TCF20: variants seen among roughly 807,000 people sequenced by gnomAD.
The protein encoded by TCF20 is transcription factor 20, also known as SPRE-binding protein.
Under a neutral mutation model 148.6 loss-of-function variants are expected in TCF20, and 3 were observed. The ratio of observed to expected loss-of-function variants is 0.02; its 90% CI spans 0.01 to 0.05. The LOEUF is 0.05. Among genes scored for constraint, TCF20 ranks in the 10% least tolerant of loss-of-function variants. The pLI is 1.00. For missense variants in TCF20, 2,350 were observed against 2,429.3 expected, an observed-to-expected ratio of 0.97 and a Z score of 0.69; for synonymous variants, 1,049 against 909.5, an observed-to-expected ratio of 1.15 and a Z score of -2.76.
At chr22:42,218,187 A>G (rs1458033787) in intron 1 of TCF20, among the ~76,000 whole-genome samples, 1 of 152,236 alleles carries the variant, frequency 6.6e-6, no homozygotes, top group Non-Finnish European at 1.5e-5. Flanking sequence ...ACAGAAGCAG[A>G]GTTCACAAAG....
chr22:42,266,723 G>T (rs1926306314), intron 1 of TCF20, among the ~76,000 whole-genome samples: 1 of 152,056 alleles, frequency 6.6e-6, no homozygotes, highest in African/African-American at 2.4e-5. Flanking sequence ...AGGTTGCAGT[G>T]AGCAGAGACT....
chr22:42,295,671 C>T (rs1326774977), intron 1 of TCF20, among the ~76,000 whole-genome samples: 2 of 152,070 alleles, frequency 1.3e-5, no homozygotes, highest in South Asian at 2.1e-4. Flanking sequence ...AACTCCTAAC[C>T]TCAAGTGATC....
intron 1 of TCF20, among the ~76,000 whole-genome samples, chr22:42,241,793 C>T (rs1924426252): frequency 1.3e-5 from 2 of 152,222 alleles, no homozygotes; most frequent in East Asian, 1.9e-4. Flanking sequence ...CGTGCCACTG[C>T]ACTGCACCCC....
In TCF20 at chr22:42,183,655, A is replaced by T. The variant is rs147607187; in HGVS notation, c.5656-3953T>A. On this transcript the variant is annotated intron_variant, in intron 2 of 5. Coordinates refer to ENST00000677622, the MANE Select transcript of TCF20 (RefSeq NM_001378418.1). ...GACACCTGTGTTGGACTTTGAACCTACAGAACTGTAAGCAGAACTGTATTA... is the reference window on the plus strand; with the variant it reads ...GACACCTGTGTTGGACTTTGAACCTTCAGAACTGTAAGCAGAACTGTATTA... 4.6e-3 allele frequency among the ~76,000 whole-genome samples: 702 copies of T among 152,308 alleles called. 12 individuals carry two copies. The highest frequency in any genetic ancestry group is 0.016 in the African/African-American group (673 of 41,568).
chr22:42,251,339 G>C (rs575101214), intron 1 of TCF20, among the ~76,000 whole-genome samples: 1 of 151,902 alleles, frequency 6.6e-6, no homozygotes, highest in South Asian at 2.1e-4. Context: ...GTGCACGCTA[G>C]CTTGCTAATT....
intron 1 of TCF20, among the ~76,000 whole-genome samples, chr22:42,226,905 AGTATT>A: frequency 6.6e-6 from 1 of 152,348 alleles, no homozygotes; most frequent in South Asian, 2.1e-4. Flanking sequence ...AAAAAGGGCT[AGTATT>A]GTAAAGACGT....
intron 1 of TCF20, among the ~76,000 whole-genome samples, chr22:42,304,030 C>A (rs369324717): frequency 3.9e-5 from 6 of 152,194 alleles, no homozygotes; most frequent in Non-Finnish European, 7.4e-5. Context: ...TGCCCCACCC[C>A]CCTGCCGCAA....
At chr22:42,228,087 T>G (rs1235022178) in intron 1 of TCF20, among the ~76,000 whole-genome samples, 1 of 152,172 alleles carries the variant, frequency 6.6e-6, no homozygotes, top group African/African-American at 2.4e-5. Flanking sequence ...TTTTAAACTA[T>G]AGAGTGGCAT....
intron 1 of TCF20, among the ~76,000 whole-genome samples, chr22:42,246,749 C>T (rs1324653609): frequency 6.6e-6 from 1 of 151,826 alleles, no homozygotes; most frequent in Non-Finnish European, 1.5e-5. Flanking sequence ...AGGCAGATCA[C>T]GAGGTCAGGA....
intron 1 of TCF20, among the ~76,000 whole-genome samples, chr22:42,249,148 G>A (rs1925157481): frequency 6.6e-6 from 1 of 152,208 alleles, no homozygotes; most frequent in Non-Finnish European, 1.5e-5. Flanking sequence ...TTGGACTCCA[G>A]GACTTAACCA....
intron 2 of TCF20, among the ~76,000 whole-genome samples, chr22:42,198,381 G>A (rs1937728432): frequency 6.6e-6 from 1 of 152,174 alleles, no homozygotes; most frequent in African/African-American, 2.4e-5. Flanking sequence ...TTCAGTACAT[G>A]TTAGCAGTCA....
In TCF20 at chr22:42,290,808, CA is replaced by C. The variant is rs1927119427; in HGVS notation, c.-37+52670del. ...GACGAGGTCAGCCTCCCAGAGCACA[CA>C]GGGGCCTTGGGGCAGGCCTGCTGCC... On this transcript the variant is annotated intron_variant, in intron 1 of 1. Transcript: ENST00000515426. The surrounding 1 kb of genome is among the most constrained non-coding windows in gnomAD (Gnocchi z 4.2). 6.6e-6 allele frequency among the ~76,000 whole-genome samples: 1 copy of C among 152,208 alleles called. No individual in the cohort carries two copies. The highest frequency in any genetic ancestry group is 6.5e-5 in the Admixed American group (1 of 15,288).
At chr22:42,183,956 A>C (rs138660901) in intron 2 of TCF20, among the ~76,000 whole-genome samples, 3,396 of 152,040 alleles carry the variant, frequency 0.022, 148 homozygotes, top group African/African-American at 0.078. Flanking sequence ...TTTAGTAGAG[A>C]TGAGGTTTCA....
rs894021408 is a variant in TCF20, at chr22:42,279,682, C to T, written c.-37+4145G>A. Among the ~76,000 whole-genome samples, 6 of 152,158 alleles carry T rather than the reference C, an allele frequency of 3.9e-5. No homozygotes were observed. The highest frequency in any genetic ancestry group is 2.1e-4 in the South Asian group (1 of 4,826). On this transcript the variant is annotated intron_variant, in intron 1 of 5. Transcript: ENST00000359486. This position sits in a 1 kb window ranked among gnomAD's most constrained non-coding sequence, Gnocchi z 4.3. ...GCCTCAGGTGCTCCGTGAGGTGGGA[C>T]GATTCACCCCATGAGCAAACAGGCT...
intron 3 of TCF20, among the ~76,000 whole-genome samples, chr22:42,177,546 G>A (rs763822968): frequency 6.6e-5 from 10 of 152,280 alleles, no homozygotes; most frequent in Non-Finnish European, 1.2e-4. Context: ...CCAGGTTATC[G>A]AAGCTCTGAG....
intron 2 of TCF20, among the ~76,000 whole-genome samples, chr22:42,184,876 A>G (rs1484769536): frequency 1.3e-5 from 2 of 152,208 alleles, no homozygotes; most frequent in Non-Finnish European, 1.5e-5. Flanking sequence ...TAGTTTTGGG[A>G]CATGTTTTAA....
At chr22:42,190,785 A>T (rs1358731574) in intron 2 of TCF20, among the ~76,000 whole-genome samples, 1 of 1,656 alleles carries the variant, frequency 6.0e-4, no homozygotes, top group Non-Finnish European at 1.1e-3. Flanking sequence ...TACTATGTAC[A>T]CTTTATTGAT....
rs766072517 is a variant in TCF20 at position 42,213,647 on chromosome 22, A to G, written c.1659T>C (p.Ser553=). Residue 553 remains serine, a synonymous_variant, in exon 2 of 6, where the codon TCT becomes TCC. Transcript: ENST00000677622. ...SSDTTYKGGA[S]EKAGSSPAQG... ...GTGCCGGTGAGGAGCCAGCTTTCTC[A>G]GAGGCTCCACCCTTGTAGGTGGTGT... 1 of 1,613,978 alleles carries G rather than the reference A, an allele frequency of 6.2e-7. No individual in the cohort carries two copies. Among genetic ancestry groups the G allele is most frequent in the East Asian group, 2.2e-5 (1 of 44,882 alleles).
chr22:42,291,025 G>A (rs760198187), intron 1 of TCF20, among the ~76,000 whole-genome samples: 18 of 152,272 alleles, frequency 1.2e-4, no homozygotes, highest in Non-Finnish European at 2.2e-4. Context: ...AGCCAGATCC[G>A]TCCCCAGGCT....
Sources: allele counts gnomAD v4.1 joint callset (sites outside exome capture counted in the v4.1 genomes callset), GRCh38; gene constraint gnomAD v4.1.1; non-coding constraint Gnocchi (gnomAD v3.1); transcripts MANE v1.5; gene names NCBI Gene and HGNC (gene_info 2026-07-23, HGNC 2026-07-21).